Variants in SLC39A6 observed in about 807,000 individuals in gnomAD.
SLC39A6 encodes the protein zinc transporter ZIP6.
Under a neutral mutation model 63.5 loss-of-function variants are expected in SLC39A6, and 51 were observed. The observed-to-expected ratio is 0.80, with a 90% confidence interval of 0.64 to 1.01. The LOEUF is 1.01. Among genes scored for constraint, SLC39A6 ranks in the 50% least tolerant of loss-of-function variants. SLC39A6 has a pLI of 0.00. For missense variants in SLC39A6, 805 were observed against 927.8 expected (o/e 0.87, Z 1.72); for synonymous variants, 318 against 324.7 (o/e 0.98, Z 0.22).
Position 36,114,570 on chromosome 18 carries a change from C to T in SLC39A6, c.1466-96G>A, listed in dbSNP as rs77955489. ...CTCATTGAAAAAGTCAACAGAAGAT[C>T]TTAAAGCATGATAACTCCTTCATAT... On this transcript the variant is annotated intron_variant, in intron 6 of 9. Transcript: ENST00000269187. 2.1e-3 allele frequency: 1,930 copies of T among 903,618 alleles called. 43 individuals are homozygous for T. The African/African-American group carries it at 0.029, about 14-fold the overall frequency. 56.0% of individuals were successfully genotyped at this position (903,618 alleles called of 1,614,324 possible). A position where few individuals can be genotyped will look rare whatever the true frequency, so the allele number is the denominator to read the frequency against.
chr18:36,128,250 A>C (rs910273881), intron 1 of SLC39A6, among the ~76,000 whole-genome samples: 5 of 152,192 alleles, frequency 3.3e-5, no homozygotes, highest in African/African-American at 1.2e-4. Context: ...GGTCAAACTC[A>C]CATCTCCAGC....
intron 5 of SLC39A6, among the ~76,000 whole-genome samples, chr18:36,121,593 A>T (rs2089394853): frequency 6.6e-6 from 1 of 152,232 alleles, no homozygotes; most frequent in Admixed American, 6.5e-5. Context: ...GTTTGACTTC[A>T]TACCATTTCT....
At chr18:36,125,788 T>C (rs184015978) in intron 2 of SLC39A6, among the ~76,000 whole-genome samples, 1 of 152,316 alleles carries the variant, frequency 6.6e-6, no homozygotes, top group Admixed American at 6.5e-5. Context: ...GGACCTTCTG[T>C]CAAGGAGGCA....
Position 36,112,444 on chromosome 18 carries a change from C to T in SLC39A6, c.1924+57G>A, listed in dbSNP as rs1156339399. ...TTGCTGAACTACCATTAGCAAAAGC[C>T]AGTGACACTAGAACATTTCACCCAC... On this transcript the variant is annotated intron_variant, in intron 8 of 9. Coordinates refer to ENST00000269187, the MANE Select transcript of SLC39A6 (RefSeq NM_012319.4). 3.1e-6 allele frequency: 4 copies of T among 1,281,664 alleles called. No individual in the cohort carries two copies. The Admixed American group carries it at 7.3e-5, about 23-fold the overall frequency. 79.4% of individuals were successfully genotyped at this position (1,281,664 alleles called of 1,614,324 possible). A position where few individuals can be genotyped will look rare whatever the true frequency, so the allele number is the denominator to read the frequency against.
chr18:36,122,353 G>A, intron 4 of SLC39A6, 83 bp from the exon 5 acceptor site: 1 of 998,418 alleles, frequency 1.0e-6, no homozygotes, highest in Non-Finnish European at 1.5e-6. Context: ...GGTCAAAATT[G>A]AAATCATTCA....
intron 5 of SLC39A6, among the ~76,000 whole-genome samples, chr18:36,121,156 CT>C (rs11313446): frequency 0.16 from 23,806 of 145,012 alleles, 2,195 homozygotes; most frequent in Middle Eastern, 0.37. Context: ...CTTTTCTTTT[CT>C]TTTTTTTTTT....
chr18:36,128,679 G>C (rs1295124307), intron 1 of SLC39A6, among the ~76,000 whole-genome samples: 1 of 152,190 alleles, frequency 6.6e-6, no homozygotes, highest in East Asian at 1.9e-4. Flanking sequence ...GATGCTGAGC[G>C]CGGTCGTGGA....
chr18:36,124,197 G>C (rs1175650038), intron 3 of SLC39A6, among the ~76,000 whole-genome samples: 1 of 152,116 alleles, frequency 6.6e-6, no homozygotes, highest in Non-Finnish European at 1.5e-5. Context: ...ATCAGTATTA[G>C]GTTTCTAAGC....
intron 9 of SLC39A6, among the ~76,000 whole-genome samples, chr18:36,110,353 C>A (rs1156429655): frequency 6.6e-6 from 1 of 150,668 alleles, no homozygotes; most frequent in East Asian, 1.9e-4. Context: ...GAGATCATAC[C>A]CTAAAATGAT....
intron 6 of SLC39A6, among the ~76,000 whole-genome samples, chr18:36,115,478 A>G (rs2089337406): frequency 6.6e-6 from 1 of 151,706 alleles, no homozygotes; most frequent in Admixed American, 6.6e-5. Flanking sequence ...AACAACAACA[A>G]CAACAACAAC....
intron 6 of SLC39A6, among the ~76,000 whole-genome samples, chr18:36,115,361 G>A (rs2089335753): frequency 6.6e-6 from 1 of 151,544 alleles, no homozygotes; most frequent in African/African-American, 2.4e-5. Flanking sequence ...AGAATGGCGT[G>A]AACCCGGGAG....
chr18:36,114,262 C>T lies in SLC39A6; in HGVS notation c.1678G>A (p.Asp560Asn). The change falls in exon 7 of 10, where the codon GAC becomes AAC. Residue 560 changes from aspartate to asparagine, a missense_variant. Coordinates refer to ENST00000269187, the MANE Select transcript of SLC39A6 (RefSeq NM_012319.4). ...QSDDLIHHHH[D>N]YHHILHHHHH... is the part of the protein sequence containing the mutation. ...TGATGATGGAGAATATGATGGTAGTCATGATGGTGGTGAATGAGATCGTCT... is the reference window on the plus strand; with the variant it reads ...TGATGATGGAGAATATGATGGTAGTTATGATGGTGGTGAATGAGATCGTCT... 6.2e-7 allele frequency: 1 copy of T among 1,614,006 alleles called. No individual in the cohort carries two copies. Among genetic ancestry groups the T allele is most frequent in the Non-Finnish European group, 8.5e-7 (1 of 1,180,006 alleles).
chr18:36,115,366 C>T (rs551092594), intron 6 of SLC39A6, among the ~76,000 whole-genome samples: 65 of 151,148 alleles, frequency 4.3e-4, no homozygotes, highest in African/African-American at 1.4e-3. Flanking sequence ...GGCGTGAACC[C>T]GGGAGGCGGA....
At chr18:36,124,461 A>T (rs2089418981) in intron 3 of SLC39A6, 59 bp downstream of exon 3, 5 of 1,130,772 alleles carry the variant, frequency 4.4e-6, no homozygotes, top group African/African-American at 1.5e-5. Flanking sequence ...AAATCTAAGG[A>T]AAAGCACAAT....
chr18:36,124,470 A>G, intron 3 of SLC39A6, 50 bp downstream of exon 3: 1 of 1,227,634 alleles, frequency 8.1e-7, no homozygotes. Context: ...GAAAAGCACA[A>G]TATAAATGAA....
At position 36,126,588 on chromosome 18, in the gene SLC39A6, A is replaced by C; in HGVS notation, c.420T>G (p.Asn140Lys). 6.2e-7 allele frequency: 1 copy of C among 1,614,152 alleles called. No individual in the cohort carries two copies. Among genetic ancestry groups the C allele is most frequent in the Non-Finnish European group, 8.5e-7 (1 of 1,180,024 alleles). Residue 140 changes from asparagine (N) to lysine (K), a missense_variant, in exon 2 of 10, where the codon AAT becomes AAG. Transcript: ENST00000269187. ...SHHNHAASGK[N>K]KRKALCPDHD... Reference sequence around the variant, plus strand: ...GGTCTGGGCAAAGAGCTTTTCGCTTATTTTTACCAGAAGCAGCATGATTAT... The same window carrying C: ...GGTCTGGGCAAAGAGCTTTTCGCTTCTTTTTACCAGAAGCAGCATGATTAT...
chr18:36,112,558 A>G lies in SLC39A6; in HGVS notation c.1867T>C (p.Ser623Pro), dbSNP rs1352822044. The G allele has an allele frequency of 6.2e-7, 1 of 1,613,654 alleles. No individual in the cohort carries two copies. Among genetic ancestry groups the G allele is most frequent in the Non-Finnish European group, 8.5e-7 (1 of 1,179,746 alleles). Residue 623 changes from serine (S) to proline (P), a missense_variant, in exon 8 of 10, where the codon TCA becomes CCA. Ser to Pro is a moderately conservative substitution (Grantham distance 74). Coordinates refer to ENST00000269187, the MANE Select transcript of SLC39A6 (RefSeq NM_012319.4). ...AIGAAFTEGLSSGLSTSVAVF... is the reference protein window; with the variant it reads ...AIGAAFTEGLPSGLSTSVAVF... ...GCAACAGAAGTACTTAAACCACTTGATAAGCCTTCAGTAAAAGCAGCACCT... is the reference window on the plus strand; with the variant it reads ...GCAACAGAAGTACTTAAACCACTTGGTAAGCCTTCAGTAAAAGCAGCACCT...
At chr18:36,123,693 A>G in intron 3 of SLC39A6, 29 bp from the exon 4 acceptor site, 1 of 1,572,806 alleles carries the variant, frequency 6.4e-7, no homozygotes, top group East Asian at 2.3e-5. Context: ...CAGAGCAAAG[A>G]AAAATTATAC....
chr18:36,123,670 A>G lies in SLC39A6; in HGVS notation c.971-6T>C. The G allele has an allele frequency of 1.3e-6, 2 of 1,585,334 alleles. No homozygotes were observed. The highest frequency in any genetic ancestry group is 1.7e-6 in the Non-Finnish European group (2 of 1,172,236). On this transcript the variant is annotated splice_polypyrimidine_tract_variant and splice_region_variant and intron_variant, in intron 3 of 9. Transcript: ENST00000269187. ...TATAAAACCACCAACCCAGGCTGTC[A>G]AACAAAACAAAACAGAGCAAAGAAA...
Sources: gnomAD v4.1 joint callset for allele counts (sites outside exome capture counted in the v4.1 genomes callset) on GRCh38, gnomAD v4.1.1 for gene constraint, MANE v1.5 for transcripts, NCBI Gene and HGNC (gene_info 2026-07-23, HGNC 2026-07-21) for gene names.